The following SMC5 variants were observed in gnomAD, a reference collection of about 807,000 sequenced individuals.
SMC5 encodes structural maintenance of chromosomes protein 5.
In SMC5, 88 loss-of-function variants were observed where a neutral mutation model predicts 148.3. That is an observed-to-expected ratio of 0.59 (90% confidence interval 0.50 to 0.71). The LOEUF is 0.71. SMC5 is among the 30% of genes least tolerant of loss of function. The pLI is 0.00. For synonymous variants in SMC5, 421 were observed against 432.8 expected, an observed-to-expected ratio of 0.97 and a Z score of 0.34; for missense variants, 1,142 against 1,298.9, an observed-to-expected ratio of 0.88 and a Z score of 1.86.
At chr9:70,314,256 T>C (rs1356089193) in intron 11 of SMC5, among the ~76,000 whole-genome samples, 1 of 152,172 alleles carries the variant, frequency 6.6e-6, no homozygotes, top group African/African-American at 2.4e-5. Context: ...ATGCTCCAGA[T>C]TGGGGAATGC....
At chr9:70,270,972 T>C (rs150700668) in intron 3 of SMC5, among the ~76,000 whole-genome samples, 174 of 152,246 alleles carry the variant, frequency 1.1e-3, no homozygotes, top group African/African-American at 4.1e-3. Context: ...ACAGGCTGAG[T>C]ATCCCTTATC....
At chr9:70,347,563 T>A (rs766286952) in intron 20 of SMC5, 50 bp from the exon 21 acceptor site, 8 of 999,000 alleles carry the variant, frequency 8.0e-6, no homozygotes, top group Non-Finnish European at 1.2e-5. Context: ...TGTATATAGT[T>A]TTATCCTTTG....
At chr9:70,329,637 C>T (rs2036171282) in intron 17 of SMC5, among the ~76,000 whole-genome samples, 1 of 152,148 alleles carries the variant, frequency 6.6e-6, no homozygotes, top group African/African-American at 2.4e-5. Context: ...CCAAACTTTC[C>T]CTCATCTTCC....
intron 17 of SMC5, among the ~76,000 whole-genome samples, chr9:70,343,015 A>G (rs373164734): frequency 1.2e-4 from 18 of 152,222 alleles, no homozygotes; most frequent in South Asian, 4.2e-4. Flanking sequence ...ACTCTGTCCA[A>G]TCTGCTCCTG....
intron 5 of SMC5, among the ~76,000 whole-genome samples, chr9:70,279,749 G>T (rs868365979): frequency 1.3e-5 from 2 of 151,092 alleles, no homozygotes; most frequent in African/African-American, 2.4e-5. Flanking sequence ...CCTGGGAGGC[G>T]GAGGTTGTAG....
intron 6 of SMC5, 76 bp from the exon 7 acceptor site, chr9:70,282,346 G>C: frequency 7.1e-7 from 1 of 1,405,404 alleles, no homozygotes; most frequent in Non-Finnish European, 9.5e-7. Flanking sequence ...TTTGGTTTCT[G>C]CCTGTATCTT....
At position 70,300,176 on chromosome 9, in the gene SMC5, A is replaced by C. The variant is rs2035320832; in HGVS notation, c.1440A>C (p.Arg480Ser). The part of the protein sequence containing the change: ...LRNNRDKFKQ[R>S]VCEPIMLTIN... ...ATAACAGAGACAAATTTAAACAAAG[A>C]GTCTGTGAGCCCATAATGCTCACGG... The change falls in exon 10 of 25, where the codon AGA becomes AGC. Residue 480 changes from arginine to serine, a missense_variant. By Grantham distance (110) the Arg-to-Ser change is moderately radical. Coordinates refer to ENST00000361138, the MANE Select transcript of SMC5 (RefSeq NM_015110.4). The C allele has an allele frequency of 1.9e-6, 3 of 1,598,752 alleles. No homozygotes were observed. The highest frequency in any genetic ancestry group is 2.6e-6 in the Non-Finnish European group (3 of 1,175,980).
At position 70,318,843 on chromosome 9, in the gene SMC5, G is replaced by A. The variant is rs1251355203; in HGVS notation, c.2030G>A (p.Arg677His). 6.8e-6 allele frequency: 11 copies of A among 1,607,764 alleles called. No homozygotes were observed. The highest frequency in any genetic ancestry group is 2.2e-5 in the East Asian group (1 of 44,760). Residue 677 changes from arginine (R) to histidine (H), a missense_variant, in exon 15 of 25, where the codon CGT becomes CAT. Arg to His is a conservative substitution (Grantham distance 29). Around this residue, in one of 5 missense-constraint regions of SMC5, gnomAD observed 743 missense variants for 835.7 expected, o/e 0.89. Coordinates refer to ENST00000361138, the MANE Select transcript of SMC5 (RefSeq NM_015110.4). ...QAVDSGLIAL[R>H]ETSKHLEHKD... ...GTGGATTCAGGGTTGATTGCCTTACGTGAAACAAGCAAACATCTGGAGCAC... is the reference window on the plus strand; with the variant it reads ...GTGGATTCAGGGTTGATTGCCTTACATGAAACAAGCAAACATCTGGAGCAC...
At chr9:70,345,171 TCTA>T (rs5898133) in intron 18 of SMC5, among the ~76,000 whole-genome samples, 73,310 of 151,284 alleles carry the variant, frequency 0.48, 20,485 homozygotes, top group Non-Finnish European at 0.61. Context: ...ATAAGTACAA[TCTA>T]CTAATTTTTT....
intron 11 of SMC5, among the ~76,000 whole-genome samples, chr9:70,312,555 G>T (rs1190519348): frequency 2.0e-5 from 3 of 152,194 alleles, no homozygotes; most frequent in Admixed American, 2.0e-4. Context: ...TAGGTATGAG[G>T]TTTGCGTGGA....
At chr9:70,267,824 A>C (rs1343603006) in intron 2 of SMC5, 99 bp from the exon 3 acceptor site, 1 of 1,126,268 alleles carries the variant, frequency 8.9e-7, no homozygotes, top group Admixed American at 2.2e-5. Flanking sequence ...TGGTACCTGA[A>C]AAAAATCTTG....
At chr9:70,332,523 C>CAAAA (rs57524323) in intron 17 of SMC5, among the ~76,000 whole-genome samples, 5 of 104,174 alleles carry the variant, frequency 4.8e-5, no homozygotes, top group South Asian at 3.2e-4. Context: ...GACCCTGTCT[C>CAAAA]AAAAAAAAAA....
intron 17 of SMC5, among the ~76,000 whole-genome samples, chr9:70,340,814 C>T (rs1183382979): frequency 6.6e-6 from 1 of 151,916 alleles, no homozygotes; most frequent in Non-Finnish European, 1.5e-5. Flanking sequence ...TGTTTAATGT[C>T]GAGGTATTTC....
intron 17 of SMC5, among the ~76,000 whole-genome samples, chr9:70,326,461 G>GAT (rs2036078592): frequency 6.6e-6 from 1 of 151,916 alleles, no homozygotes; most frequent in South Asian, 2.1e-4. Context: ...GCTATGCAGT[G>GAT]ATATATATAT....
In SMC5 at chr9:70,295,936, A is replaced by C. The variant is rs2035190368; in HGVS notation, c.1054-2030A>C. 2.6e-5 allele frequency among the ~76,000 whole-genome samples: 4 copies of C among 152,046 alleles called. No individual in the cohort carries two copies. In the South Asian group the frequency reaches 8.3e-4, roughly 31 times the overall value. On this transcript the variant is annotated intron_variant, in intron 8 of 24. Coordinates refer to ENST00000361138, the MANE Select transcript of SMC5 (RefSeq NM_015110.4). ...TCATTTATTTTCCTGAATCCCTTGA[A>C]TTTCCTATTATCTGCTTTTAGGCCC...
intron 10 of SMC5, among the ~76,000 whole-genome samples, chr9:70,303,328 G>A (rs567261671): frequency 2.6e-5 from 4 of 151,750 alleles, no homozygotes; most frequent in Non-Finnish European, 5.9e-5. Context: ...TTAAAAAGAT[G>A]ACTTTCTGTG....
intron 8 of SMC5, among the ~76,000 whole-genome samples, chr9:70,289,332 C>T (rs1282524841): frequency 1.3e-5 from 2 of 152,134 alleles, no homozygotes; most frequent in Non-Finnish European, 2.9e-5. Flanking sequence ...GCTACCGCAC[C>T]TGGCCTGATT....
intron 10 of SMC5, 92 bp downstream of exon 10, chr9:70,300,292 GT>G: frequency 8.5e-7 from 1 of 1,181,326 alleles, no homozygotes; most frequent in Non-Finnish European, 1.2e-6. Context: ...TATTACCCTG[GT>G]TTTACATTAT....
chr9:70,288,197 A>G (rs539521870), intron 8 of SMC5, among the ~76,000 whole-genome samples: 10 of 152,324 alleles, frequency 6.6e-5, no homozygotes, highest in Non-Finnish European at 1.2e-4. Flanking sequence ...GTATTCAACT[A>G]TAAAATTTTG....
Sources: gnomAD v4.1 joint callset for allele counts (sites outside exome capture counted in the v4.1 genomes callset) on GRCh38, gnomAD v4.1.1 for gene constraint, gnomAD v4.1.1 regional missense constraint, MANE v1.5 for transcripts, NCBI Gene and HGNC (gene_info 2026-07-23, HGNC 2026-07-21) for gene names.